Variants in NPR1 observed in about 807,000 individuals in gnomAD.
The protein encoded by NPR1 is atrial natriuretic peptide receptor 1.
In NPR1, 57 loss-of-function variants were observed where a neutral mutation model predicts 116.9. That is an observed-to-expected ratio of 0.49 (90% CI 0.39 to 0.61). NPR1 has a LOEUF of 0.61. Among genes scored for constraint, NPR1 ranks in the 20% least tolerant of loss-of-function variants. The pLI, the probability that NPR1 is intolerant of heterozygous loss-of-function variation, is 0.00. For synonymous variants in NPR1, 555 were observed against 601.6 expected, an observed-to-expected ratio of 0.92 and a Z score of 1.13; for missense variants, 1,096 against 1,409.8, an observed-to-expected ratio of 0.78 and a Z score of 3.56.
Position 153,689,995 on chromosome 1 carries a change from G to A in NPR1, c.2932+15G>A, listed in dbSNP as rs918217461. 6.7e-6 allele frequency: 10 copies of A among 1,486,906 alleles called. No homozygotes were observed. In the Admixed American group the frequency reaches 1.6e-4, roughly 23 times the overall value. 92.1% of individuals were successfully genotyped at this position (1,486,906 alleles called of 1,614,324 possible). A position where few individuals can be genotyped will look rare whatever the true frequency, so the allele number is the denominator to read the frequency against. On this transcript the variant is annotated intron_variant, in intron 19 of 21. Coordinates refer to ENST00000368680, the MANE Select transcript of NPR1 (RefSeq NM_000906.4). This position sits in a 1 kb window ranked among gnomAD's most constrained non-coding sequence, Gnocchi z 5.1. ...CATCCACACAGGTAAGGCCACTGAAGGTGCAGGCGGGCATCCAGAGGCCAA... is the reference window on the plus strand; with the variant it reads ...CATCCACACAGGTAAGGCCACTGAAAGTGCAGGCGGGCATCCAGAGGCCAA...
At position 153,688,090 on chromosome 1, in the gene NPR1, C is replaced by G; in HGVS notation, c.2286C>G (p.Pro762=). ...IERVTRGEQP[P]FRPSLALQSH... is the part of the protein sequence containing the mutation. ...GGGTGACTCGGGGTGAGCAGCCCCCCTTCCGGCCCTCCCTGGCCCTGCAGA... is the reference window on the plus strand; with the variant it reads ...GGGTGACTCGGGGTGAGCAGCCCCCGTTCCGGCCCTCCCTGGCCCTGCAGA... Residue 762 remains proline, a synonymous_variant, in exon 15 of 22, where the codon CCC becomes CCG. Transcript: ENST00000368680. The G allele has an allele frequency of 6.2e-7, 1 of 1,613,038 alleles. No homozygotes were observed.
chr1:153,682,062 CT>C (rs111794974), intron 4 of NPR1, among the ~76,000 whole-genome samples: 4,551 of 148,686 alleles, frequency 0.031, 239 homozygotes, highest in African/African-American at 0.11. Context: ...TTTCTTTTTT[CT>C]TTTTTTTTTG....
At chr1:153,691,886 CA>C (rs5777878) in intron 20 of NPR1, among the ~76,000 whole-genome samples, 31,108 of 132,744 alleles carry the variant, frequency 0.23, 6,794 homozygotes, top group African/African-American at 0.59. Context: ...GACTCTGTCT[CA>C]AAAAAAAAAA....
Position 153,693,374 on chromosome 1 carries a change from A to G in NPR1, c.3146A>G (p.Tyr1049Cys). ...CAGGGCAAAGGCAAGGTTCGGACCT[A>G]CTGGCTCCTTGGGGAGAGGGGGAGT... Reference protein sequence around the residue: ...EMKGKGKVRTYWLLGERGSST... With the variant: ...EMKGKGKVRTCWLLGERGSST... The change falls in exon 22 of 22, where the codon TAC (tyrosine) becomes TGC (cysteine). Residue 1049 changes from tyrosine (Y) to cysteine (C), a missense_variant. Physicochemically the swap from Tyr to Cys is radical, Grantham distance 194 (BLOSUM62 -2). Coordinates refer to ENST00000368680, the MANE Select transcript of NPR1 (RefSeq NM_000906.4). 6.2e-7 allele frequency: 1 copy of G among 1,613,046 alleles called. No individual in the cohort carries two copies. The highest frequency in any genetic ancestry group is 8.5e-7 in the Non-Finnish European group (1 of 1,179,508).
At position 153,679,657 on chromosome 1, in the gene NPR1, C is replaced by G. The variant is rs766173161; in HGVS notation, c.549C>G (p.Leu183=). Residue 183 remains leucine (L), a synonymous_variant, in exon 1 of 22, where the codon CTC becomes CTG. Transcript: ENST00000368680. This position sits in a 1 kb window ranked among gnomAD's most constrained non-coding sequence, Gnocchi z 4.2. ...HRRLGWERQA[L]MLYAYRPGDE... is the part of the protein sequence containing the mutation. ...GGCTGGGCTGGGAGCGCCAAGCGCT[C>G]ATGCTCTACGCCTACCGGCCGGGTG... 3.1e-6 allele frequency: 5 copies of G among 1,605,656 alleles called. No individual in the cohort carries two copies. The highest frequency in any genetic ancestry group is 1.3e-5 in the African/African-American group (1 of 74,844).
In NPR1 at chr1:153,686,759, GA is replaced by G. The variant is rs1557963489; in HGVS notation, c.1863+10del. On this transcript the variant is annotated intron_variant, in intron 11 of 21. Coordinates refer to ENST00000368680, the MANE Select transcript of NPR1 (RefSeq NM_000906.4). Reference sequence around the variant, plus strand: ...CCCGTGGGAGCCTGCAGGTGAGGGGGACAAGGGGTGTCAAGAAACCTGGGTT... The same window carrying G: ...CCCGTGGGAGCCTGCAGGTGAGGGGGCAAGGGGTGTCAAGAAACCTGGGTT... The G allele has an allele frequency of 6.2e-7, 1 of 1,610,268 alleles. No homozygotes were observed. Among genetic ancestry groups the G allele is most frequent in the East Asian group, 2.2e-5 (1 of 44,864 alleles).
intron 8 of NPR1, 66 bp from the exon 9 acceptor site, chr1:153,685,740 C>G: frequency 8.2e-7 from 1 of 1,221,564 alleles, no homozygotes; most frequent in Non-Finnish European, 1.2e-6. Context: ...AAGACCAGAG[C>G]ACAAGCAATC....
chr1:153,687,918 A>G, intron 14 of NPR1, 129 bp downstream of exon 14: 1 of 1,148,696 alleles, frequency 8.7e-7, no homozygotes, highest in Non-Finnish European at 1.2e-6. Context: ...CCTTTGACCC[A>G]TTGCTGCCAG....
In NPR1 at chr1:153,688,219, C is replaced by G; in HGVS notation, c.2415C>G (p.Asn805Lys). Residue 805 changes from asparagine (N) to lysine (K), a missense_variant and splice_region_variant, in exon 15 of 22, where the codon AAC (asparagine) becomes AAG (lysine). Transcript: ENST00000368680. ...QQIRLTLRKF[N>K]RENSSNILDN... is the part of the protein sequence containing the mutation. Reference sequence around the variant, plus strand: ...TCCGCCTGACGTTGCGCAAATTTAACAGGTCCCTGGTGTTTGTCATGGATC... The same window carrying G: ...TCCGCCTGACGTTGCGCAAATTTAAGAGGTCCCTGGTGTTTGTCATGGATC... The G allele has an allele frequency of 6.2e-7, 1 of 1,613,116 alleles. No homozygotes were observed. The highest frequency in any genetic ancestry group is 8.5e-7 in the Non-Finnish European group (1 of 1,179,412).
At chr1:153,687,937 C>A in intron 14 of NPR1, 116 bp from the exon 15 acceptor site, 1 of 1,074,638 alleles carries the variant, frequency 9.3e-7, no homozygotes, top group Non-Finnish European at 1.4e-6. Flanking sequence ...AGTGACCAGT[C>A]CCCCGCCCCC....
rs989666910 is a variant in NPR1, at chr1:153,689,729, G to A, written c.2758-77G>A. The A allele has an allele frequency of 8.6e-6, 12 of 1,401,858 alleles. No homozygotes were observed. The highest frequency in any genetic ancestry group is 4.6e-5 in the Admixed American group (2 of 43,400). 86.8% of individuals were successfully genotyped at this position (1,401,858 alleles called of 1,614,324 possible). A position where few individuals can be genotyped will look rare whatever the true frequency, so the allele number is the denominator to read the frequency against. ...CAGATGAGGGTACAGAATGACAGACGCTGCACCCGGTGTGACGGTGTGGCC... is the reference window on the plus strand; with the variant it reads ...CAGATGAGGGTACAGAATGACAGACACTGCACCCGGTGTGACGGTGTGGCC... On this transcript the variant is annotated intron_variant, in intron 18 of 21. Coordinates refer to ENST00000368680, the MANE Select transcript of NPR1 (RefSeq NM_000906.4). This position sits in a 1 kb window ranked among gnomAD's most constrained non-coding sequence, Gnocchi z 5.1.
chr1:153,687,300 A>G lies in NPR1; in HGVS notation c.2036A>G (p.Tyr679Cys). ...CGCTTTGTGCTCAAGATCACCGACTATGGGCTGGAGAGCTTCAGGGACCTG... is the reference window on the plus strand; with the variant it reads ...CGCTTTGTGCTCAAGATCACCGACTGTGGGCTGGAGAGCTTCAGGGACCTG... ...DGRFVLKITDYGLESFRDLDP... is the reference protein window; with the variant it reads ...DGRFVLKITDCGLESFRDLDP... Residue 679 changes from tyrosine to cysteine, a missense_variant, in exon 13 of 22, where the codon TAT becomes TGT. By Grantham distance (194) the Tyr-to-Cys change is radical. Coordinates refer to ENST00000368680, the MANE Select transcript of NPR1 (RefSeq NM_000906.4). 2 of 1,614,088 alleles carry G rather than the reference A, an allele frequency of 1.2e-6. No homozygotes were observed. The highest frequency in any genetic ancestry group is 1.1e-5 in the South Asian group (1 of 91,084).
chr1:153,680,177 C>T (rs944301300), intron 1 of NPR1, among the ~76,000 whole-genome samples: 8 of 150,006 alleles, frequency 5.3e-5, no homozygotes, highest in African/African-American at 1.7e-4. Flanking sequence ...CATCCCCTCT[C>T]TTCTCCCCCT....
At position 153,683,760 on chromosome 1, in the gene NPR1, G is replaced by T. The variant is rs1571347321; in HGVS notation, c.1420G>T (p.Val474Leu). ...TGCAGATCACCTTTCCACCCTGGAGGTGCTGGCTTTGGTGGGCAGCCTCTC... is the reference window on the plus strand; with the variant it reads ...TGCAGATCACCTTTCCACCCTGGAGTTGCTGGCTTTGGTGGGCAGCCTCTC... ...CNQDHLSTLE[V>L]LALVGSLSLL... is the part of the protein sequence containing the mutation. Residue 474 changes from valine (V) to leucine (L), a missense_variant, in exon 7 of 22, where the codon GTG (valine) becomes TTG (leucine). Val to Leu is a conservative substitution (Grantham distance 32). Transcript: ENST00000368680. 1 of 1,614,004 alleles carries T rather than the reference G, an allele frequency of 6.2e-7. No individual in the cohort carries two copies. Among genetic ancestry groups the T allele is most frequent in the Non-Finnish European group, 8.5e-7 (1 of 1,180,038 alleles).
rs1427178379 is a variant in NPR1, at chr1:153,680,615, G to C, written c.836G>C (p.Ser279Thr). Residue 279 changes from serine (S) to threonine (T), a missense_variant, in exon 2 of 22, where the codon AGC becomes ACC. Ser to Thr is a moderately conservative substitution (Grantham distance 58). Coordinates refer to ENST00000368680, the MANE Select transcript of NPR1 (RefSeq NM_000906.4). ...TTCCACCTGGATATCTTTGGGCAAA[G>C]CCTGCAAGGTGGACAGGGCCCTGCT... ...VFFHLDIFGQ[S>T]LQGGQGPAPR... 6.2e-7 allele frequency: 1 copy of C among 1,614,226 alleles called. No individual in the cohort carries two copies. The highest frequency in any genetic ancestry group is 1.7e-5 in the Admixed American group (1 of 60,024).
rs750584469 is a variant in NPR1, at chr1:153,688,993, A to T, written c.2458A>T (p.Met820Leu). ...SNILDNLLSRMEQYANNLEEL... is the reference protein window; with the variant it reads ...SNILDNLLSRLEQYANNLEEL... ...CATCCTGGACAACCTGCTGTCCCGC[A>T]TGGAGCAGTACGCGAACAATCTGGA... is the stretch of plus-strand genomic sequence containing the variant. Residue 820 changes from methionine to leucine, a missense_variant, in exon 16 of 22, where the codon ATG becomes TTG. By Grantham distance (15) the Met-to-Leu change is conservative. Coordinates refer to ENST00000368680, the MANE Select transcript of NPR1 (RefSeq NM_000906.4). 1 of 1,614,134 alleles carries T rather than the reference A, an allele frequency of 6.2e-7. No individual in the cohort carries two copies. Among genetic ancestry groups the T allele is most frequent in the Non-Finnish European group, 8.5e-7 (1 of 1,180,028 alleles).
rs570423354 is a variant in NPR1 at position 153,691,293 on chromosome 1, C to T, written c.3031+911C>T. Among the ~76,000 whole-genome samples, 12 of 152,336 alleles carry T rather than the reference C, an allele frequency of 7.9e-5. No homozygotes were observed. The East Asian group carries it at 2.3e-3, about 29-fold the overall frequency. Reference sequence around the variant, plus strand: ...GCACCTAATAAATTCTTACTCCTACCCGCCCCTTGCTCTTGCCTCCTGTTT... The same window carrying T: ...GCACCTAATAAATTCTTACTCCTACTCGCCCCTTGCTCTTGCCTCCTGTTT... On this transcript the variant is annotated intron_variant, in intron 20 of 21. Coordinates refer to ENST00000368680, the MANE Select transcript of NPR1 (RefSeq NM_000906.4).
chr1:153,683,850 T>A, intron 7 of NPR1, 26 bp downstream of exon 7: 1 of 1,603,462 alleles, frequency 6.2e-7, no homozygotes, highest in Non-Finnish European at 8.5e-7. Flanking sequence ...GGGGGTTGAG[T>A]GAGGCTGGGG....
chr1:153,682,778 A>C (rs1041149325), intron 5 of NPR1, among the ~76,000 whole-genome samples, 189 bp downstream of exon 5: 1 of 152,212 alleles, frequency 6.6e-6, no homozygotes, highest in African/African-American at 2.4e-5. Flanking sequence ...ATAGGGACTC[A>C]CAGGCATCAC....
Sources: gnomAD v4.1 joint callset for allele counts (sites outside exome capture counted in the v4.1 genomes callset) on GRCh38, gnomAD v4.1.1 for gene constraint, Gnocchi (gnomAD v3.1) non-coding constraint, MANE v1.5 for transcripts, NCBI Gene and HGNC (gene_info 2026-07-23, HGNC 2026-07-21) for gene names.